Variants in OASL observed in about 807,000 individuals in gnomAD.
The protein encoded by OASL is 2'-5'-oligoadenylate synthetase like, also known as 2'-5'-oligoadenylate synthase-like protein.
OASL carries 28 observed loss-of-function variants against 35.3 expected under a neutral mutation model. The observed-to-expected ratio is 0.79, with a 90% CI of 0.59 to 1.09. The LOEUF is 1.09. OASL is among the 50% of genes least tolerant of loss of function. OASL has a pLI of 0.00. For missense variants in OASL, 620 were observed against 635.2 expected, an observed-to-expected ratio of 0.98 and a Z score of 0.26; for synonymous variants, 252 against 254.6, an observed-to-expected ratio of 0.99 and a Z score of 0.10.
rs1221622526 is a variant in OASL, at chr12:121,024,269, G to A, written c.900-132C>T. 6 of 963,580 alleles carry A rather than the reference G, an allele frequency of 6.2e-6. No individual in the cohort carries two copies. The African/African-American group carries it at 8.2e-5, about 13-fold the overall frequency. The allele number at this position is 963,580 out of a possible 1,614,324, so 59.7% of individuals were successfully genotyped here. ...ATCCACATCCCGGGGATGTTCAAGA[G>A]GGCCCCAAAACACCGCAGGAGAGTA... On this transcript the variant is annotated intron_variant, in intron 4 of 5. Coordinates refer to ENST00000257570, the Ensembl canonical transcript of OASL.
At chr12:121,028,791 G>A (rs991573209) in intron 3 of OASL, among the ~76,000 whole-genome samples, 4 of 152,070 alleles carry the variant, frequency 2.6e-5, no homozygotes, top group African/African-American at 7.2e-5. Flanking sequence ...GAGGCCGGGC[G>A]CAGTGCCTCC....
exon 6 of OASL, chr12:121,019,428 G>A (rs1592929849): frequency 6.6e-6 from 1 of 152,204 alleles, no homozygotes; most frequent in African/African-American, 2.4e-5. Flanking sequence ...GAGTAAACCT[G>A]ATCACATGAC....
At chr12:121,032,426 G>A (rs1287074692) in intron 2 of OASL, among the ~76,000 whole-genome samples, 3 of 152,116 alleles carry the variant, frequency 2.0e-5, no homozygotes, top group African/African-American at 7.2e-5. Flanking sequence ...AAACACCTAG[G>A]ACTCTGCCCG....
intron 5 of OASL, among the ~76,000 whole-genome samples, chr12:121,021,515 G>GA (rs1345492362): frequency 2.0e-5 from 3 of 152,192 alleles, no homozygotes; most frequent in Non-Finnish European, 2.9e-5. Context: ...CTTTCCAGAA[G>GA]AAATATAAGC....
intron 5 of OASL, 164 bp downstream of exon 5, chr12:121,023,826 G>A (rs772598154): frequency 9.9e-5 from 68 of 684,444 alleles, no homozygotes; most frequent in Non-Finnish European, 1.4e-4. Context: ...GAGAGCCAAA[G>A]AATTTGTCCA....
intron 5 of OASL, 28 bp downstream of exon 5, chr12:121,023,962 C>T (rs1366275099): frequency 6.2e-7 from 1 of 1,612,938 alleles, no homozygotes; most frequent in Admixed American, 1.7e-5. Context: ...ACCTTCAAGC[C>T]CTTGACAGCC....
At chr12:121,023,007 A>G (rs1215274437) in intron 5 of OASL, among the ~76,000 whole-genome samples, 1 of 152,214 alleles carries the variant, frequency 6.6e-6, no homozygotes. Flanking sequence ...CTTACTTTAC[A>G]GAATTGCTTA....
At chr12:121,036,082 CG>C (rs1454447702) in intron 1 of OASL, among the ~76,000 whole-genome samples, 8 of 152,204 alleles carry the variant, frequency 5.3e-5, no homozygotes, top group Non-Finnish European at 1.2e-4. Context: ...AGGCTGGTCT[CG>C]AATTCCTGGG....
At chr12:121,026,851 TA>T (rs576220572) in intron 4 of OASL, among the ~76,000 whole-genome samples, 4,053 of 136,648 alleles carry the variant, frequency 0.03, 134 homozygotes, top group East Asian at 0.15. Flanking sequence ...AACTCTGTCT[TA>T]AAAAAAAAAA....
At chr12:121,018,625 G>A (rs1030815166), downstream of OASL, among the ~76,000 whole-genome samples, 1 of 151,892 alleles carries the variant, frequency 6.6e-6, no homozygotes, top group Non-Finnish European at 1.5e-5. Context: ...TCCCAGCACT[G>A]TGGGAGGCCA....
chr12:121,024,060 G>A, exon 5 of OASL: 1 of 1,614,162 alleles, frequency 6.2e-7, no homozygotes, highest in Non-Finnish European at 8.5e-7. Flanking sequence ...GCACTGGGAG[G>A]CCCTCTGAGC....
Position 121,027,565 on chromosome 12 carries a change from T to C in OASL, c.899+11A>G, listed in dbSNP as rs1396258857. ...TCTGTAAGATTTGGTGGGCAAACAGTGGTCCAGTACCTCTCTTTTTTGAGC... is the reference window on the plus strand; with the variant it reads ...TCTGTAAGATTTGGTGGGCAAACAGCGGTCCAGTACCTCTCTTTTTTGAGC... On this transcript the variant is annotated intron_variant, in intron 4 of 5. Coordinates refer to ENST00000257570, the Ensembl canonical transcript of OASL. 8 of 1,612,524 alleles carry C rather than the reference T, an allele frequency of 5.0e-6. No individual in the cohort carries two copies. Among genetic ancestry groups the C allele is most frequent in the Non-Finnish European group, 6.8e-6 (8 of 1,178,832 alleles).
rs1362915126 is a variant in OASL at position 121,021,152 on chromosome 12, T to TAGC, written c.1048-97_1048-95dup. The TAGC allele has an allele frequency of 1.7e-5, 22 of 1,311,992 alleles. No homozygotes were observed. The Admixed American group carries it at 2.4e-4, about 14-fold the overall frequency. 81.3% of individuals were successfully genotyped at this position (1,311,992 alleles called of 1,614,324 possible). On this transcript the variant is annotated intron_variant, in intron 5 of 5. Transcript: ENST00000257570. Reference sequence around the variant, plus strand: ...TCATCTGTCCTTATCTTTACAATAGTAGCAGCAGCAGCGGCAGCAGCAAAT... The same window carrying TAGC: ...TCATCTGTCCTTATCTTTACAATAGTAGCAGCAGCAGCAGCGGCAGCAGCAAAT...
intron 3 of OASL, among the ~76,000 whole-genome samples, chr12:121,029,064 G>GAAAA (rs10577200): frequency 1.9e-5 from 2 of 105,104 alleles, no homozygotes; most frequent in Non-Finnish European, 3.7e-5. Flanking sequence ...ACTTGTCTCA[G>GAAAA]AAAAAAAAAA....
In OASL at chr12:121,027,778, G is replaced by A. The variant is rs763458040; in HGVS notation, c.697C>T (p.Leu233Phe). ...ATGGTTAGAAGTTCAAGAGCATAGAGAGGGGGCAGATTGGCTCTGGGGGAC... is the reference window on the plus strand; with the variant it reads ...ATGGTTAGAAGTTCAAGAGCATAGAAAGGGGGCAGATTGGCTCTGGGGGAC... Residue 233 changes from leucine to phenylalanine, a missense_variant, in exon 4 of 6, where the codon CTC (leucine) becomes TTC (phenylalanine). By Grantham distance (22) the Leu-to-Phe change is conservative (BLOSUM62 0). Transcript: ENST00000257570. 3.2e-5 allele frequency: 51 copies of A among 1,614,054 alleles called. No individual in the cohort carries two copies. The highest frequency in any genetic ancestry group is 4.2e-5 in the Non-Finnish European group (49 of 1,180,030).
downstream of OASL, among the ~76,000 whole-genome samples, chr12:121,018,083 C>G (rs918298553): frequency 6.6e-6 from 1 of 152,148 alleles, no homozygotes; most frequent in Non-Finnish European, 1.5e-5. Context: ...CATTTTGATA[C>G]TGATAATTTC....
chr12:121,037,646 G>A (rs1466206607), intron 1 of OASL, among the ~76,000 whole-genome samples: 7 of 151,970 alleles, frequency 4.6e-5, no homozygotes, highest in Admixed American at 1.3e-4. Context: ...GGTGGTGGGC[G>A]CTGTCGTCCC....
At chr12:121,026,499 A>G (rs1265565590) in intron 4 of OASL, among the ~76,000 whole-genome samples, 2 of 152,190 alleles carry the variant, frequency 1.3e-5, no homozygotes, top group Non-Finnish European at 2.9e-5. Flanking sequence ...GGCAGACAAC[A>G]AAGAGTGGGT....
chr12:121,038,786 C>T, exon 1 of OASL: 2 of 1,614,064 alleles, frequency 1.2e-6, no homozygotes, highest in Non-Finnish European at 1.7e-6. Context: ...TGACTACCTT[C>T]AGCACCCGCA....
Sources: allele counts gnomAD v4.1 joint callset (sites outside exome capture counted in the v4.1 genomes callset), GRCh38; gene constraint gnomAD v4.1.1; transcripts MANE v1.5; gene names NCBI Gene and HGNC (gene_info 2026-07-23, HGNC 2026-07-21).